Variants in DHRS7B observed in about 807,000 individuals in gnomAD.
The protein encoded by DHRS7B is dehydrogenase/reductase 7B, also known as peroxisomal reductase activating PPAR-gamma.
DHRS7B carries 24 observed loss-of-function variants against 26.4 expected under a neutral mutation model. The observed-to-expected ratio is 0.91, with a 90% CI of 0.66 to 1.28. The LOEUF (loss-of-function observed/expected upper bound fraction) is 1.28. DHRS7B is among the 50% of genes most tolerant of loss of function. The pLI is 0.00. For synonymous variants in DHRS7B, 142 were observed against 166.4 expected, an observed-to-expected ratio of 0.85 and a Z score of 1.13; for missense variants, 368 against 419.4, an observed-to-expected ratio of 0.88 and a Z score of 1.07.
intron 5 of DHRS7B, among the ~76,000 whole-genome samples, chr17:21,185,843 A>T (rs1242795255): frequency 7.3e-6 from 1 of 137,902 alleles, no homozygotes; most frequent in Non-Finnish European, 1.7e-5. Context: ...GTGTACCAGC[A>T]CACCTGGCTA....
chr17:21,189,277 A>G (rs1974723883), intron 6 of DHRS7B, among the ~76,000 whole-genome samples: 1 of 152,152 alleles, frequency 6.6e-6, no homozygotes, highest in Non-Finnish European at 1.5e-5. Context: ...TAGGCTTGAG[A>G]AATGACTGAT....
At chr17:21,134,374 G>A (rs1311025961) in intron 1 of DHRS7B, among the ~76,000 whole-genome samples, 1 of 152,158 alleles carries the variant, frequency 6.6e-6, no homozygotes, top group Non-Finnish European at 1.5e-5. Flanking sequence ...GCTGAGCCAT[G>A]ATTTGTGTCA....
chr17:21,154,983 GT>G (rs1306646715), intron 1 of DHRS7B, among the ~76,000 whole-genome samples: 1 of 152,084 alleles, frequency 6.6e-6, no homozygotes, highest in Non-Finnish European at 1.5e-5. Context: ...AAGAAGCATA[GT>G]TGATAAGCTA....
At chr17:21,180,450 G>A (rs767597651) in intron 3 of DHRS7B, among the ~76,000 whole-genome samples, 2 of 152,164 alleles carry the variant, frequency 1.3e-5, no homozygotes, top group Non-Finnish European at 2.9e-5. Flanking sequence ...TTAGGTAAGA[G>A]TCCAATTTCA....
At chr17:21,187,515 A>G (rs1415657358) in intron 5 of DHRS7B, among the ~76,000 whole-genome samples, 2 of 151,036 alleles carry the variant, frequency 1.3e-5, no homozygotes, top group Admixed American at 6.6e-5. Flanking sequence ...AGTCCCAGCT[A>G]CTCGGGAGGC....
At chr17:21,178,768 TC>T (rs1214625137) in intron 3 of DHRS7B, among the ~76,000 whole-genome samples, 2 of 150,990 alleles carry the variant, frequency 1.3e-5, no homozygotes, top group Non-Finnish European at 3.0e-5. Context: ...AAGCGATTCT[TC>T]CGCCTCAGCC....
At chr17:21,186,678 T>C (rs1405302966) in intron 5 of DHRS7B, among the ~76,000 whole-genome samples, 1 of 152,216 alleles carries the variant, frequency 6.6e-6, no homozygotes, top group Admixed American at 6.5e-5. Flanking sequence ...AATTCTGAAT[T>C]GGAGGAAACT....
chr17:21,147,047 CA>C (rs1219955006), intron 1 of DHRS7B, among the ~76,000 whole-genome samples: 1 of 152,126 alleles, frequency 6.6e-6, no homozygotes, highest in Non-Finnish European at 1.5e-5. Flanking sequence ...ATTTCAGAGA[CA>C]TAATTTCTGT....
intron 1 of DHRS7B, among the ~76,000 whole-genome samples, chr17:21,167,315 A>G (rs574467995): frequency 3.9e-5 from 6 of 152,150 alleles, no homozygotes; most frequent in African/African-American, 1.4e-4. Context: ...GGCCCAAGGA[A>G]CCCTCACCCT....
chr17:21,138,614 T>G (rs1973420451), intron 1 of DHRS7B, among the ~76,000 whole-genome samples: 1 of 152,192 alleles, frequency 6.6e-6, no homozygotes, highest in Admixed American at 6.5e-5. Flanking sequence ...TTCTTTAAGC[T>G]TTCTTACCAC....
intron 1 of DHRS7B, among the ~76,000 whole-genome samples, chr17:21,134,972 T>C (rs1476079212): frequency 2.0e-5 from 3 of 152,110 alleles, no homozygotes; most frequent in Non-Finnish European, 4.4e-5. Context: ...GATATCACAA[T>C]CTCTAAAGTT....
At chr17:21,172,399 G>A (rs1974277355) in intron 2 of DHRS7B, 1 of 579,006 alleles carries the variant, frequency 1.7e-6, no homozygotes, top group African/African-American at 1.9e-5. Flanking sequence ...CTCAGCGTCA[G>A]GGTGGGAGGC....
At chr17:21,169,964 C>A (rs1270484767) in intron 1 of DHRS7B, among the ~76,000 whole-genome samples, 1 of 152,104 alleles carries the variant, frequency 6.6e-6, no homozygotes, top group Middle Eastern at 3.2e-3. Context: ...CTACCTGGTA[C>A]AAAGACCTGG....
chr17:21,143,404 T>C (rs1973570259), intron 1 of DHRS7B, among the ~76,000 whole-genome samples: 1 of 152,224 alleles, frequency 6.6e-6, no homozygotes, highest in Admixed American at 6.5e-5. Flanking sequence ...ATCTGTGTAA[T>C]ATTGTTTCAC....
intron 3 of DHRS7B, among the ~76,000 whole-genome samples, chr17:21,180,478 A>G (rs2144188741): frequency 6.6e-6 from 1 of 152,306 alleles, no homozygotes; most frequent in East Asian, 1.9e-4. Context: ...GCACGTGATT[A>G]TCTACTTTTC....
At chr17:21,190,479 C>T (rs1443767096) in intron 6 of DHRS7B, among the ~76,000 whole-genome samples, 1 of 152,208 alleles carries the variant, frequency 6.6e-6, no homozygotes, top group African/African-American at 2.4e-5. Flanking sequence ...TCTGGCCATC[C>T]TGAAGCCAAG....
At chr17:21,145,894 T>C (rs991249519) in intron 1 of DHRS7B, among the ~76,000 whole-genome samples, 1 of 152,246 alleles carries the variant, frequency 6.6e-6, no homozygotes, top group Admixed American at 6.5e-5. Flanking sequence ...TTTCAACTTA[T>C]GATGGGTTTA....
intron 1 of DHRS7B, among the ~76,000 whole-genome samples, chr17:21,168,577 C>T (rs537610944): frequency 1.4e-4 from 21 of 152,262 alleles, no homozygotes; most frequent in Admixed American, 1.2e-3. Context: ...CCATGTTGCC[C>T]GGGCTGGTCT....
intron 1 of DHRS7B, among the ~76,000 whole-genome samples, chr17:21,139,685 AAT>A (rs1377543087): frequency 6.6e-6 from 1 of 152,072 alleles, no homozygotes; most frequent in African/African-American, 2.4e-5. Context: ...AAAAAAAAAA[AAT>A]AAATAAATAA....
Sources: gnomAD v4.1 joint callset for allele counts (sites outside exome capture counted in the v4.1 genomes callset) on GRCh38, gnomAD v4.1.1 for gene constraint, MANE v1.5 for transcripts, NCBI Gene and HGNC (gene_info 2026-07-23, HGNC 2026-07-21) for gene names.